ART3: variants seen among roughly 807,000 people sequenced by gnomAD.
ART3 encodes the protein ecto-ADP-ribosyltransferase 3.
A neutral mutation model predicts 48.5 loss-of-function variants in ART3; 49 were observed. The observed-to-expected ratio is 1.01, with a 90% CI of 0.80 to 1.28. The LOEUF is 1.28. Among genes scored for constraint, ART3 ranks in the 50% most tolerant of loss-of-function variants. The pLI, the probability that ART3 is intolerant of heterozygous loss-of-function variation, is 0.00. For missense variants in ART3, 438 were observed against 454.3 expected, an observed-to-expected ratio of 0.96 and a Z score of 0.33; for synonymous variants, 145 against 157.2, an observed-to-expected ratio of 0.92 and a Z score of 0.58.
At chr4:76,011,933 AAAC>A (rs1219113814) in intron 1 of ART3, among the ~76,000 whole-genome samples, 1 of 152,200 alleles carries the variant, frequency 6.6e-6, no homozygotes, top group East Asian at 1.9e-4. Context: ...CTTTTAGGAG[AAAC>A]AGAAACCTGA....
At chr4:76,022,458 G>A (rs1010023789) in intron 1 of ART3, 8 of 1,611,000 alleles carry the variant, frequency 5.0e-6, no homozygotes, top group East Asian at 2.2e-5. Context: ...TTGTAGCACT[G>A]TAGAAATAAA....
chr4:76,043,698 C>T (rs141040304), intron 1 of ART3, among the ~76,000 whole-genome samples: 90,814 of 148,518 alleles, frequency 0.61, 29,115 homozygotes, highest in East Asian at 0.94. Flanking sequence ...CTGAGCGAGC[C>T]AGCTCCGGCC....
At chr4:76,059,066 A>G (rs1578362934) in intron 1 of ART3, among the ~76,000 whole-genome samples, 1 of 152,222 alleles carries the variant, frequency 6.6e-6, no homozygotes, top group Non-Finnish European at 1.5e-5. Flanking sequence ...ACAAGAGTAG[A>G]TTACAGTCTG....
intron 1 of ART3, among the ~76,000 whole-genome samples, chr4:76,050,887 G>A (rs2149453221): frequency 6.6e-6 from 1 of 152,358 alleles, no homozygotes; most frequent in East Asian, 1.9e-4. Context: ...ACCCTCCGCA[G>A]CTGCTAGCCC....
At chr4:76,061,965 ATGGCAATGTTTC>A (rs1312491363) in intron 1 of ART3, among the ~76,000 whole-genome samples, 4 of 152,222 alleles carry the variant, frequency 2.6e-5, no homozygotes, top group African/African-American at 4.8e-5. Context: ...ACAATTTTAG[ATGGCAATGTTTC>A]TGGAATAGTT....
chr4:76,039,297 AC>A (rs1189613618), intron 1 of ART3, among the ~76,000 whole-genome samples: 1 of 151,966 alleles, frequency 6.6e-6, no homozygotes, highest in African/African-American at 2.4e-5. Context: ...ATGGGGTTTT[AC>A]CATGTTGGCC....
intron 1 of ART3, among the ~76,000 whole-genome samples, chr4:76,064,881 G>T (rs1281510719): frequency 6.6e-6 from 1 of 151,616 alleles, no homozygotes; most frequent in Non-Finnish European, 1.5e-5. Context: ...ACCCAGGCTG[G>T]AGTGCGGTGG....
In ART3 at chr4:76,051,309, T is replaced by TTA. The variant is rs1553928167; in HGVS notation, c.-9-24572_-9-24571insTA. 4.0e-4 allele frequency among the ~76,000 whole-genome samples: 61 copies of TTA among 151,748 alleles called. No homozygotes were observed. The East Asian group carries it at 9.7e-3, about 24-fold the overall frequency. Reference sequence around the variant, plus strand: ...AGGGAGCTGCCGGTGGATTTTTTTTTAAGAGTTCTTAGTAGAATACTACTG... The same window carrying TTA: ...AGGGAGCTGCCGGTGGATTTTTTTTTTAAAGAGTTCTTAGTAGAATACTACTG... On this transcript the variant is annotated intron_variant, in intron 1 of 9. Transcript: ENST00000341029.
intron 1 of ART3, among the ~76,000 whole-genome samples, chr4:76,069,389 T>A (rs1264316281): frequency 3.2e-5 from 4 of 126,658 alleles, no homozygotes; most frequent in Non-Finnish European, 6.9e-5. Context: ...TTAATTCCTT[T>A]TTTTTTTTTT....
intron 8 of ART3, among the ~76,000 whole-genome samples, chr4:76,101,806 A>C (rs1419460744): frequency 6.6e-6 from 1 of 152,242 alleles, no homozygotes; most frequent in African/African-American, 2.4e-5. Flanking sequence ...GAACAGTCTC[A>C]TAAATTACTG....
At chr4:76,048,359 A>G (rs1055173857) in intron 1 of ART3, among the ~76,000 whole-genome samples, 1 of 151,904 alleles carries the variant, frequency 6.6e-6, no homozygotes, top group Non-Finnish European at 1.5e-5. Context: ...TATTGGGGCC[A>G]AGCCATAGTG....
chr4:76,105,499 C>G, intron 10 of ART3: 1 of 1,287,592 alleles, frequency 7.8e-7, no homozygotes, highest in Non-Finnish European at 1.0e-6. Flanking sequence ...TTGTTATTAT[C>G]TGAAAACCTC....
At position 76,104,589 on chromosome 4, in the gene ART3, T is replaced by C. The variant is rs1280209860; in HGVS notation, c.971-8T>C. 3.2e-6 allele frequency: 5 copies of C among 1,551,484 alleles called. No individual in the cohort carries two copies. Among genetic ancestry groups the C allele is most frequent in the Non-Finnish European group, 4.4e-6 (5 of 1,146,918 alleles). On this transcript the variant is annotated splice_region_variant and splice_polypyrimidine_tract_variant and intron_variant, in intron 9 of 11. Transcript: ENST00000355810. The stretch of plus-strand genomic sequence containing the variant: ...CTGTAAGTCATTGGAAACTTCCTTC[T>C]CATTTAGGAATGAAAATTCCAGAAC...
chr4:76,047,345 G>T (rs528303262), intron 1 of ART3, among the ~76,000 whole-genome samples: 1 of 151,828 alleles, frequency 6.6e-6, no homozygotes, highest in African/African-American at 2.4e-5. Flanking sequence ...ATAGGACACC[G>T]AGGTTGCCAG....
chr4:76,023,550 C>A, intron 1 of ART3: 2 of 893,820 alleles, frequency 2.2e-6, no homozygotes, highest in East Asian at 2.5e-5. Flanking sequence ...TTTTCCCTCC[C>A]TAATTCTGAT....
intron 1 of ART3, chr4:76,041,010 A>G (rs182701508): frequency 2.6e-5 from 4 of 152,266 alleles, no homozygotes; most frequent in Admixed American, 2.6e-4. Context: ...ATAGTAGTTC[A>G]TTTATTCATT....
chr4:76,034,691 C>G, intron 1 of ART3: 1 of 911,244 alleles, frequency 1.1e-6, no homozygotes, highest in Non-Finnish European at 1.7e-6. Context: ...AGAAAAGTCT[C>G]AGTTTCCTAC....
At chr4:76,028,970 T>C (rs1024287220) in intron 1 of ART3, among the ~76,000 whole-genome samples, 1 of 152,174 alleles carries the variant, frequency 6.6e-6, no homozygotes, top group Non-Finnish European at 1.5e-5. Context: ...GAGACAAAAT[T>C]GGAGGACATT....
Position 76,041,143 on chromosome 4 carries a change from A to C in ART3, c.-10+29823A>C, listed in dbSNP as rs892294868. Reference sequence around the variant, plus strand: ...TCCTTTCCGTGTGTTCCAAATTTCAAACTTTCTGCCTTATTGTAGAAGTTA... The same window carrying C: ...TCCTTTCCGTGTGTTCCAAATTTCACACTTTCTGCCTTATTGTAGAAGTTA... On this transcript the variant is annotated intron_variant, in intron 1 of 9. Coordinates refer to the ART3 transcript ENST00000341029. 5 of 152,294 alleles carry C rather than the reference A, an allele frequency of 3.3e-5. No individual in the cohort carries two copies. In the South Asian group the frequency reaches 1.0e-3, roughly 32 times the overall value. The allele number at this position is 152,294 out of a possible 1,614,324, so 9.4% of individuals were successfully genotyped here.
Sources: gnomAD v4.1 joint callset for allele counts (sites outside exome capture counted in the v4.1 genomes callset) on GRCh38, gnomAD v4.1.1 for gene constraint, MANE v1.5 for transcripts, NCBI Gene and HGNC (gene_info 2026-07-23, HGNC 2026-07-21) for gene names.